Variants in CAMTA1 observed in about 807,000 individuals in gnomAD.
The protein encoded by CAMTA1 is calmodulin-binding transcription activator 1.
Under a neutral mutation model 170.9 loss-of-function variants are expected in CAMTA1, and 27 were observed. That is an observed-to-expected ratio of 0.16 (90% CI 0.12 to 0.22). CAMTA1 has a LOEUF of 0.22. CAMTA1 is among the 10% of genes least tolerant of loss of function. CAMTA1 has a pLI of 1.00. For synonymous variants in CAMTA1, 833 were observed against 891.5 expected (o/e 0.93, Z 1.17); for missense variants, 1,619 against 2,217.2 (o/e 0.73, Z 5.42).
intron 5 of CAMTA1, among the ~76,000 whole-genome samples, chr1:7,354,231 C>G (rs1293535651): frequency 2.0e-5 from 3 of 151,546 alleles, no homozygotes; most frequent in Non-Finnish European, 2.9e-5. Context: ...TCACTGCAAG[C>G]TCCACCTCCT....
chr1:6,862,470 A>G (rs954047187), intron 3 of CAMTA1, among the ~76,000 whole-genome samples: 4 of 152,242 alleles, frequency 2.6e-5, no homozygotes, highest in Non-Finnish European at 4.4e-5. Context: ...GAATAATGCC[A>G]TGAACATAGG....
At chr1:6,968,007 T>C (rs1048924588) in intron 3 of CAMTA1, among the ~76,000 whole-genome samples, 3 of 152,218 alleles carry the variant, frequency 2.0e-5, no homozygotes, top group African/African-American at 7.2e-5. Context: ...TGCAAACTAG[T>C]AATAATGCTT....
At chr1:7,467,719 G>T in intron 5 of CAMTA1, 111 bp from the exon 6 acceptor site, 2 of 984,128 alleles carry the variant, frequency 2.0e-6, no homozygotes, top group Non-Finnish European at 3.3e-6. Flanking sequence ...GTCTCCCTGG[G>T]CCGCTGCCAG....
intron 5 of CAMTA1, among the ~76,000 whole-genome samples, chr1:7,384,914 G>T (rs575955405): frequency 1.8e-4 from 28 of 152,160 alleles, no homozygotes; most frequent in African/African-American, 6.7e-4. Context: ...CCCAGGGATG[G>T]TTCAGCCAGG....
chr1:7,379,505 G>A (rs1052514073), intron 5 of CAMTA1, among the ~76,000 whole-genome samples: 11 of 152,176 alleles, frequency 7.2e-5, no homozygotes, highest in Non-Finnish European at 1.3e-4. Flanking sequence ...TCAGGGAGCC[G>A]GGAAAAAACA....
chr1:7,573,577 A>G (rs1403961211), intron 6 of CAMTA1, among the ~76,000 whole-genome samples: 1 of 152,146 alleles, frequency 6.6e-6, no homozygotes, highest in African/African-American at 2.4e-5. Context: ...CTTCCAGGAG[A>G]GCCTATGCCC....
intron 6 of CAMTA1, among the ~76,000 whole-genome samples, chr1:7,515,998 G>C (rs1271017443): frequency 6.6e-6 from 1 of 152,184 alleles, no homozygotes; most frequent in Non-Finnish European, 1.5e-5. Context: ...CCCTTGCCCT[G>C]TGTCACATCC....
rs575209230 is a variant in CAMTA1 at position 7,311,774 on chromosome 1, C to A, written c.438+62148C>A. Among the ~76,000 whole-genome samples the A allele has an allele frequency of 3.9e-5, 6 of 152,232 alleles. No homozygotes were observed. In the South Asian group the frequency reaches 1.2e-3, roughly 32 times the overall value. ...TTCAGGCTGCAGGTTTCAGCCTGAA[C>A]TTTTGTGGACTGTGCTTTCAAGGTT... On this transcript the variant is annotated intron_variant, in intron 5 of 22. Coordinates refer to ENST00000303635, the MANE Select transcript of CAMTA1 (RefSeq NM_015215.4).
chr1:7,112,662 A>C (rs113194908), intron 4 of CAMTA1, among the ~76,000 whole-genome samples: 2 of 152,260 alleles, frequency 1.3e-5, no homozygotes, highest in African/African-American at 2.4e-5. Context: ...GTAGGAGCAC[A>C]TTCTGGGGCC....
intron 3 of CAMTA1, among the ~76,000 whole-genome samples, chr1:6,984,775 T>C (rs1695080902): frequency 6.6e-6 from 1 of 152,236 alleles, no homozygotes; most frequent in African/African-American, 2.4e-5. Context: ...GGCTGGGTTC[T>C]GCTCCTCAGT....
chr1:7,133,645 A>G (rs192832610), intron 4 of CAMTA1, among the ~76,000 whole-genome samples: 43 of 152,098 alleles, frequency 2.8e-4, no homozygotes, highest in African/African-American at 9.2e-4. Context: ...GGTAAATCCA[A>G]TCCTTGTCCT....
intron 11 of CAMTA1, among the ~76,000 whole-genome samples, chr1:7,717,927 A>C (rs776429425): frequency 1.4e-4 from 21 of 152,132 alleles, no homozygotes; most frequent in Non-Finnish European, 2.5e-4. Flanking sequence ...AAATTAAATC[A>C]TTTCGTCAAT....
At chr1:7,162,624 G>A (rs1219578324) in intron 4 of CAMTA1, among the ~76,000 whole-genome samples, 2 of 152,144 alleles carry the variant, frequency 1.3e-5, no homozygotes, top group South Asian at 4.1e-4. Context: ...TCATATTTTA[G>A]CACTTATCAG....
At chr1:7,439,056 G>T (rs1021135961) in intron 5 of CAMTA1, among the ~76,000 whole-genome samples, 1 of 152,186 alleles carries the variant, frequency 6.6e-6, no homozygotes, top group African/African-American at 2.4e-5. Context: ...AAGAGGGGCA[G>T]CTTCTGGCTG....
At chr1:6,830,631 C>T (rs777735958) in intron 3 of CAMTA1, among the ~76,000 whole-genome samples, 15 of 151,616 alleles carry the variant, frequency 9.9e-5, no homozygotes, top group Admixed American at 4.6e-4. Context: ...GCGTGAGCCA[C>T]GGCGCCCAGC....
chr1:7,415,779 T>C (rs1335047542), intron 5 of CAMTA1, among the ~76,000 whole-genome samples: 4 of 151,658 alleles, frequency 2.6e-5, no homozygotes, highest in Non-Finnish European at 4.4e-5. Context: ...AATATTATTA[T>C]GTGTGAATTT....
intron 6 of CAMTA1, among the ~76,000 whole-genome samples, chr1:7,614,519 T>C (rs1011033808): frequency 2.6e-5 from 4 of 152,164 alleles, no homozygotes; most frequent in Non-Finnish European, 5.9e-5. Context: ...ACTTCCCAGA[T>C]ATATGACAGT....
chr1:7,236,061 G>A (rs1006955644), intron 4 of CAMTA1, among the ~76,000 whole-genome samples: 13 of 152,172 alleles, frequency 8.5e-5, no homozygotes, highest in East Asian at 1.9e-4. Flanking sequence ...GCCGGGCTGC[G>A]GGGTGTGGGG....
rs1369543894 is a variant in CAMTA1, at chr1:7,248,304, C to G, written c.303-1187C>G. Among the ~76,000 whole-genome samples the G allele has an allele frequency of 6.6e-6, 1 of 152,318 alleles. No homozygotes were observed. Among genetic ancestry groups the G allele is most frequent in the East Asian group, 1.9e-4 (1 of 5,180 alleles). The stretch of plus-strand genomic sequence containing the variant: ...GGACAGATGGCTGACTTATGGTTTC[C>G]TCGCCTCCGTTGTAGCAGAGCAACA... On this transcript the variant is annotated intron_variant, in intron 4 of 22. Transcript: ENST00000303635. This position sits in a 1 kb window ranked among gnomAD's most constrained non-coding sequence, Gnocchi z 4.0.
Sources: gnomAD v4.1 joint callset for allele counts (sites outside exome capture counted in the v4.1 genomes callset) on GRCh38, gnomAD v4.1.1 for gene constraint, Gnocchi (gnomAD v3.1) non-coding constraint, MANE v1.5 for transcripts, NCBI Gene and HGNC (gene_info 2026-07-23, HGNC 2026-07-21) for gene names.